The following EFCAB6 variants were observed in gnomAD, a reference collection of about 807,000 sequenced individuals.
EFCAB6 encodes EF-hand calcium-binding domain-containing protein 6.
A neutral mutation model predicts 169.8 loss-of-function variants in EFCAB6; 156 were observed. The observed-to-expected ratio is 0.92, with a 90% CI of 0.81 to 1.05. The LOEUF (loss-of-function observed/expected upper bound fraction) is 1.05, where lower values mean the gene tolerates loss of function less well. Ranked by LOEUF, EFCAB6 falls within the 50% of genes least tolerant of loss-of-function variation. The probability of loss-of-function intolerance (pLI) is 0.00; values close to 1 mark genes in which losing one functional copy is unlikely to be tolerated. For missense variants in EFCAB6, 1,800 were observed against 1,829.1 expected (o/e 0.98, Z 0.29); for synonymous variants, 698 against 676.4 (o/e 1.03, Z -0.50).
Position 43,560,917 on chromosome 22 carries a change from G to A in EFCAB6, c.3421-5821C>T, listed in dbSNP as rs1454812853. Among the ~76,000 whole-genome samples the A allele has an allele frequency of 6.6e-5, 10 of 152,342 alleles. No individual in the cohort carries two copies. In the South Asian group the frequency reaches 1.0e-3, roughly 16 times the overall value. On this transcript the variant is annotated intron_variant, in intron 26 of 31. Coordinates refer to ENST00000262726, the MANE Select transcript of EFCAB6 (RefSeq NM_022785.4). ...AGGGGACGGACACAGGTGTTGCCAC[G>A]GAGAAGCAGAAGCAGCCCAACTGCG...
In EFCAB6 at chr22:43,632,220, G is replaced by C. The variant is rs141654739; in HGVS notation, c.2117C>G (p.Pro706Arg). ...TGGAGGCTGCGGCGGAGTGGTTTCC[G>C]GCCCTCTCATTGGAGGATCTGGAAC... ...AGFEDPPMRG[P>R]ETTPPQPPTP... The change falls in exon 19 of 32, where the codon CCG (proline) becomes CGG (arginine). Residue 706 changes from proline to arginine, a missense_variant. Coordinates refer to ENST00000262726, the MANE Select transcript of EFCAB6 (RefSeq NM_022785.4). The C allele has an allele frequency of 6.2e-7, 1 of 1,613,344 alleles. No homozygotes were observed. Among genetic ancestry groups the C allele is most frequent in the East Asian group, 2.2e-5 (1 of 44,850 alleles).
chr22:43,674,748 C>T (rs1603140995), intron 13 of EFCAB6, among the ~76,000 whole-genome samples: 2 of 152,186 alleles, frequency 1.3e-5, no homozygotes, highest in African/African-American at 2.4e-5. Context: ...CCTTAACAAC[C>T]TTACAAGGTG....
intron 8 of EFCAB6, among the ~76,000 whole-genome samples, chr22:43,724,838 A>T (rs1242771859): frequency 6.6e-6 from 1 of 152,206 alleles, no homozygotes; most frequent in African/African-American, 2.4e-5. Context: ...AAATACTTCC[A>T]GCCTTTGCCA....
intron 17 of EFCAB6, among the ~76,000 whole-genome samples, chr22:43,649,622 A>G (rs1465513574): frequency 2.0e-5 from 3 of 152,244 alleles, no homozygotes; most frequent in Non-Finnish European, 4.4e-5. Flanking sequence ...TTAAAAATAA[A>G]AGAAATGAAT....
chr22:43,788,994 T>A (rs1202605972), intron 2 of EFCAB6, among the ~76,000 whole-genome samples: 1 of 152,138 alleles, frequency 6.6e-6, no homozygotes, highest in Non-Finnish European at 1.5e-5. Context: ...TACTGTATCA[T>A]TCCATTTATA....
chr22:43,537,599 C>G lies in EFCAB6; in HGVS notation c.3880-54G>C. 1 of 1,552,266 alleles carries G rather than the reference C, an allele frequency of 6.4e-7. No individual in the cohort carries two copies. On this transcript the variant is annotated intron_variant, in intron 28 of 31. Coordinates refer to ENST00000262726, the MANE Select transcript of EFCAB6 (RefSeq NM_022785.4). This position sits in a 1 kb window ranked among gnomAD's most constrained non-coding sequence, Gnocchi z 4.3. The stretch of plus-strand genomic sequence containing the variant: ...TTCACTTAAGATTTAAAACGGAAGT[C>G]ATCAAAAATACCTCAATACCTCCAG...
At chr22:43,604,662 T>C (rs1464717686) in intron 22 of EFCAB6, among the ~76,000 whole-genome samples, 1 of 152,136 alleles carries the variant, frequency 6.6e-6, no homozygotes, top group Non-Finnish European at 1.5e-5. Context: ...GTTGAGCTAA[T>C]AGAAATGGCC....
chr22:43,757,085 G>T (rs1346266946), intron 5 of EFCAB6, among the ~76,000 whole-genome samples: 5 of 152,180 alleles, frequency 3.3e-5, no homozygotes, highest in African/African-American at 1.2e-4. Context: ...AGCAGAGATT[G>T]AATTCCTTAC....
intron 19 of EFCAB6, 63 bp downstream of exon 19, chr22:43,632,042 G>C: frequency 2.5e-6 from 4 of 1,587,712 alleles, no homozygotes; most frequent in Non-Finnish European, 3.4e-6. Context: ...ACACCCACTT[G>C]GGCTGCGTGG....
rs565412929 is a variant in EFCAB6, at chr22:43,532,362, C to T, written c.4234-1398G>A. On this transcript the variant is annotated intron_variant, in intron 30 of 31. Transcript: ENST00000262726. ...AGAAGGCGGCACTGGTGTGCTCTTCCGCAGAAGCCCGTGCACGTCCTAGCA... is the reference window on the plus strand; with the variant it reads ...AGAAGGCGGCACTGGTGTGCTCTTCTGCAGAAGCCCGTGCACGTCCTAGCA... Among the ~76,000 whole-genome samples, 13 of 152,182 alleles carry T rather than the reference C, an allele frequency of 8.5e-5. No homozygotes were observed. The East Asian group carries it at 1.4e-3, about 16-fold the overall frequency.
rs386821638 is a variant in EFCAB6 at position 43,598,307 on chromosome 22, CCG to C, written c.2876+1760_2876+1761del. The stretch of plus-strand genomic sequence containing the variant: ...GGGTGATGAAAGTGAGACACTGTCT[CCG>C]GGAAAAAAAAAAAAAAAAAAAAAAA... On this transcript the variant is annotated intron_variant, in intron 23 of 31. Transcript: ENST00000262726. Among the ~76,000 whole-genome samples, 13 of 2,830 alleles carry C rather than the reference CCG, an allele frequency of 4.6e-3. 1 individual carries two copies. The highest frequency in any genetic ancestry group is 0.038 in the African/African-American group (12 of 318). The allele number at this position is 2,830 out of a possible 152,430, so 1.9% of individuals were successfully genotyped here. A position where few individuals can be genotyped will look rare whatever the true frequency, so the allele number is the denominator to read the frequency against.
intron 2 of EFCAB6, among the ~76,000 whole-genome samples, chr22:43,787,493 G>C (rs545576066): frequency 6.6e-6 from 1 of 151,598 alleles, no homozygotes; most frequent in African/African-American, 2.4e-5. Flanking sequence ...ATAAAATTAA[G>C]GAAACAATTC....
intron 2 of EFCAB6, among the ~76,000 whole-genome samples, chr22:43,787,694 A>C (rs1465859690): frequency 6.6e-6 from 1 of 152,212 alleles, no homozygotes. Flanking sequence ...GTTTATCAAA[A>C]TCCCAACTGC....
chr22:43,590,059 T>C lies in EFCAB6; in HGVS notation c.3032+15A>G. 1.2e-6 allele frequency: 2 copies of C among 1,609,648 alleles called. No individual in the cohort carries two copies. The highest frequency in any genetic ancestry group is 1.3e-5 in the African/African-American group (1 of 74,894). On this transcript the variant is annotated intron_variant, in intron 24 of 31. Coordinates refer to ENST00000262726, the MANE Select transcript of EFCAB6 (RefSeq NM_022785.4). ...CAGGGCCATGAGAAACATATTTAAC[T>C]GAGTCCAAAAAGACCTGTTTAGCAG...
chr22:43,648,085 A>G (rs935181559), intron 17 of EFCAB6, among the ~76,000 whole-genome samples: 1 of 152,168 alleles, frequency 6.6e-6, no homozygotes, highest in Admixed American at 6.5e-5. Context: ...TGTAATAAAT[A>G]TATGTTGTAA....
chr22:43,621,293 G>C (rs1034067422), intron 20 of EFCAB6, among the ~76,000 whole-genome samples: 1 of 151,764 alleles, frequency 6.6e-6, no homozygotes, highest in Non-Finnish European at 1.5e-5. Context: ...GTAGAGACGG[G>C]GTTTTGCCAT....
chr22:43,581,425 C>G (rs2050719766), intron 24 of EFCAB6, among the ~76,000 whole-genome samples: 1 of 152,194 alleles, frequency 6.6e-6, no homozygotes, highest in South Asian at 2.1e-4. Context: ...CCTATGGAAG[C>G]AGAGGCTCAT....
At chr22:43,794,339 C>A (rs1225002187) in intron 2 of EFCAB6, among the ~76,000 whole-genome samples, 1 of 152,164 alleles carries the variant, frequency 6.6e-6, no homozygotes, top group Admixed American at 6.5e-5. Context: ...GTGAGTTAGA[C>A]ACTATTATCC....
In EFCAB6 at chr22:43,795,823, C is replaced by T. The variant is rs1409307366; in HGVS notation, c.-8+13172G>A. ...TTCAGACAGCACTCGCCTCCCAACA[C>T]ACACACACACACACACACTACACAC... On this transcript the variant is annotated intron_variant, in intron 2 of 31. Coordinates refer to ENST00000262726, the MANE Select transcript of EFCAB6 (RefSeq NM_022785.4). The surrounding 1 kb of genome is among the most constrained non-coding windows in gnomAD (Gnocchi z 4.2). Among the ~76,000 whole-genome samples, 1 of 45,382 alleles carries T rather than the reference C, an allele frequency of 2.2e-5. No homozygotes were observed. The highest frequency in any genetic ancestry group is 1.8e-4 in the Admixed American group (1 of 5,646). 29.8% of individuals were successfully genotyped at this position (45,382 alleles called of 152,430 possible). A position where few individuals can be genotyped will look rare whatever the true frequency, so the allele number is the denominator to read the frequency against.
Sources: gnomAD v4.1 joint callset for allele counts (sites outside exome capture counted in the v4.1 genomes callset) on GRCh38, gnomAD v4.1.1 for gene constraint, Gnocchi (gnomAD v3.1) non-coding constraint, MANE v1.5 for transcripts, NCBI Gene and HGNC (gene_info 2026-07-23, HGNC 2026-07-21) for gene names.